ZBTB25: variants seen among roughly 807,000 people sequenced by gnomAD.
The protein encoded by ZBTB25 is zinc finger and BTB domain containing 25.
A neutral mutation model predicts 34.2 loss-of-function variants in ZBTB25; 20 were observed. The ratio of observed to expected loss-of-function variants is 0.58; its 90% CI spans 0.41 to 0.85. The LOEUF (loss-of-function observed/expected upper bound fraction) is 0.85. ZBTB25 is among the 40% of genes least tolerant of loss of function. The pLI, the probability that ZBTB25 is intolerant of heterozygous loss-of-function variation, is 0.00. For synonymous variants in ZBTB25, 175 were observed against 186.4 expected (o/e 0.94, Z 0.50); for missense variants, 437 against 521.8 (o/e 0.84, Z 1.58).
chr14:64,450,151 C>A (rs2078347192), intron 2 of ZBTB25, among the ~76,000 whole-genome samples: 1 of 152,168 alleles, frequency 6.6e-6, no homozygotes, highest in African/African-American at 2.4e-5. Flanking sequence ...AGCAGGAATA[C>A]CCCAGGGTGG....
chr14:64,476,843 A>C (rs1187556934), downstream of ZBTB25, among the ~76,000 whole-genome samples: 1 of 152,234 alleles, frequency 6.6e-6, no homozygotes, highest in East Asian at 1.9e-4. Flanking sequence ...AATTCTTTAA[A>C]AAACCCTCAG....
intron 1 of ZBTB25, among the ~76,000 whole-genome samples, chr14:64,501,240 T>C (rs1475589688): frequency 1.3e-5 from 2 of 152,250 alleles, no homozygotes; most frequent in Non-Finnish European, 2.9e-5. Flanking sequence ...TAATAAATAC[T>C]ATATGCGAGG....
Position 64,485,478 on chromosome 14 carries a change from G to A in ZBTB25, c.*1445C>T. The A allele has an allele frequency of 1.0e-6, 1 of 985,212 alleles. No individual in the cohort carries two copies. The highest frequency in any genetic ancestry group is 1.2e-6 in the Non-Finnish European group (1 of 829,902). The allele number at this position is 985,212 out of a possible 1,614,324, so 61.0% of individuals were successfully genotyped here. A position where few individuals can be genotyped will look rare whatever the true frequency, so the allele number is the denominator to read the frequency against. The stretch of plus-strand genomic sequence containing the variant: ...GTGAAGCTTAACCAGCTATTTCCCA[G>A]GTATATAGAGCCGGGGAATCTGTTA... On this transcript the variant is annotated 3_prime_UTR_variant, in exon 3 of 3. Transcript: ENST00000608382.
chr14:64,468,436 T>C, intron 2 of ZBTB25: 2 of 1,613,118 alleles, frequency 1.2e-6, no homozygotes, highest in Non-Finnish European at 1.7e-6. Context: ...AAAACAAGGA[T>C]GAGAAGAGAT....
At chr14:64,474,620 T>C (rs1485116154), downstream of ZBTB25, 1 of 160,910 alleles carries the variant, frequency 6.2e-6, no homozygotes, top group Admixed American at 6.5e-5. Context: ...ACTCTGCTAA[T>C]TGGGAATTGG....
At chr14:64,453,172 C>CTA (rs774233482) in intron 2 of ZBTB25, among the ~76,000 whole-genome samples, 12 of 151,674 alleles carry the variant, frequency 7.9e-5, no homozygotes, top group East Asian at 3.8e-4. Context: ...GTATCTATAT[C>CTA]TATATATATA....
chr14:64,493,486 T>G (rs1280581319), intron 1 of ZBTB25, among the ~76,000 whole-genome samples: 1 of 152,196 alleles, frequency 6.6e-6, no homozygotes, highest in Non-Finnish European at 1.5e-5. Flanking sequence ...ATCACCATCA[T>G]TAGGCGTGAG....
chr14:64,502,630 T>C (rs1355245443), intron 1 of ZBTB25: 1 of 985,226 alleles, frequency 1.0e-6, no homozygotes, highest in Non-Finnish European at 1.2e-6. Context: ...ATAACCTGAA[T>C]CAAGCCAAGT....
At chr14:64,465,113 T>C (rs566443560) in intron 2 of ZBTB25, among the ~76,000 whole-genome samples, 1 of 152,374 alleles carries the variant, frequency 6.6e-6, no homozygotes, top group East Asian at 1.9e-4. Context: ...TTAAATATTC[T>C]GAGGGGGAGG....
Position 64,486,878 on chromosome 14 carries a change from A to G in ZBTB25, c.*45T>C. On this transcript the variant is annotated 3_prime_UTR_variant, in exon 3 of 3. Transcript: ENST00000608382. ...TTTATGAATTAAAAATGCCACGCAA[A>G]TTTTCTTTTTCAGAATTGGTATAAA... 6.6e-7 allele frequency: 1 copy of G among 1,524,250 alleles called. No individual in the cohort carries two copies. Among genetic ancestry groups the G allele is most frequent in the South Asian group, 1.3e-5 (1 of 75,732 alleles). The allele number at this position is 1,524,250 out of a possible 1,614,324, so 94.4% of individuals were successfully genotyped here.
intron 1 of ZBTB25, among the ~76,000 whole-genome samples, chr14:64,501,755 T>C (rs2079505884): frequency 6.6e-6 from 1 of 152,152 alleles, no homozygotes; most frequent in Non-Finnish European, 1.5e-5. Flanking sequence ...GGCCAGGATA[T>C]TTTACGGCCA....
At chr14:64,499,176 AAG>A (rs1466839306) in intron 1 of ZBTB25, among the ~76,000 whole-genome samples, 4 of 152,224 alleles carry the variant, frequency 2.6e-5, no homozygotes, top group African/African-American at 9.6e-5. Flanking sequence ...ACAATTCCGT[AAG>A]AGTGTTCAAA....
chr14:64,500,454 CAAAAAAAAAA>C (rs374975040), intron 1 of ZBTB25, among the ~76,000 whole-genome samples: 2 of 52,084 alleles, frequency 3.8e-5, no homozygotes, highest in Non-Finnish European at 6.8e-5. Context: ...CCCAATAAAG[CAAAAAAAAAA>C]AAAAAAAAAA....
intron 2 of ZBTB25, chr14:64,468,941 A>G: frequency 6.2e-7 from 1 of 1,614,240 alleles, no homozygotes; most frequent in Non-Finnish European, 8.5e-7. Flanking sequence ...CCAGGATCTA[A>G]GTGAAGGCAT....
chr14:64,488,627 AC>A (rs2141025258), intron 2 of ZBTB25, among the ~76,000 whole-genome samples: 1 of 152,344 alleles, frequency 6.6e-6, no homozygotes, highest in South Asian at 2.1e-4. Flanking sequence ...AACATGGAGA[AC>A]CCAGAAAATA....
Position 64,486,247 on chromosome 14 carries a change from A to G in ZBTB25, c.*676T>C. The G allele has an allele frequency of 2.1e-6, 2 of 937,048 alleles. No individual in the cohort carries two copies. The highest frequency in any genetic ancestry group is 2.5e-6 in the Non-Finnish European group (2 of 786,040). The allele number at this position is 937,048 out of a possible 1,614,324, so 58.0% of individuals were successfully genotyped here. A position where few individuals can be genotyped will look rare whatever the true frequency, so the allele number is the denominator to read the frequency against. On this transcript the variant is annotated 3_prime_UTR_variant, in exon 3 of 3. Coordinates refer to ENST00000608382, the MANE Select transcript of ZBTB25 (RefSeq NM_006977.5). ...AACCCGGGAGGCGGAGCTTGCAGTC[A>G]GCCGAGATCGCGCCACTGCGCCCCA...
intron 2 of ZBTB25, chr14:64,459,649 A>T: frequency 1.1e-6 from 1 of 916,510 alleles, no homozygotes; most frequent in Non-Finnish European, 1.6e-6. Flanking sequence ...AAAGGATGTA[A>T]ATGTTAACAG....
At chr14:64,491,751 T>C (rs963200603) in intron 1 of ZBTB25, among the ~76,000 whole-genome samples, 3 of 152,054 alleles carry the variant, frequency 2.0e-5, no homozygotes, top group Non-Finnish European at 2.9e-5. Context: ...ATAAAGGGCA[T>C]CATTGGGTGG....
chr14:64,489,192 G>A (rs536906454), intron 2 of ZBTB25, among the ~76,000 whole-genome samples: 1 of 152,034 alleles, frequency 6.6e-6, no homozygotes, highest in Non-Finnish European at 1.5e-5. Context: ...AGGTTGCAGT[G>A]AGCTGAGATC....
Sources: gnomAD v4.1 joint callset for allele counts (sites outside exome capture counted in the v4.1 genomes callset) on GRCh38, gnomAD v4.1.1 for gene constraint, MANE v1.5 for transcripts, NCBI Gene and HGNC (gene_info 2026-07-23, HGNC 2026-07-21) for gene names.